Variants in JPH3 observed in about 807,000 individuals in gnomAD.
The protein encoded by JPH3 is junctophilin 3.
Under a neutral mutation model 59.6 loss-of-function variants are expected in JPH3, and 11 were observed. That is an observed-to-expected ratio of 0.18 (90% CI 0.12 to 0.31). JPH3 has a LOEUF of 0.31. Among genes scored for constraint, JPH3 ranks in the 10% least tolerant of loss-of-function variants. The probability of loss-of-function intolerance (pLI) is 1.00; values close to 1 mark genes in which losing one functional copy is unlikely to be tolerated. For missense variants in JPH3, 1,202 were observed against 1,105.7 expected (o/e 1.09, Z -1.24); for synonymous variants, 673 against 483.6 (o/e 1.39, Z -5.14).
chr16:87,631,077 T>G (rs1194161084), intron 1 of JPH3, among the ~76,000 whole-genome samples: 1 of 152,216 alleles, frequency 6.6e-6, no homozygotes, highest in Non-Finnish European at 1.5e-5. Flanking sequence ...AACTGCTCAG[T>G]GAAACACCTC....
At chr16:87,616,810 T>A (rs2030989224) in intron 1 of JPH3, among the ~76,000 whole-genome samples, 1 of 152,250 alleles carries the variant, frequency 6.6e-6, no homozygotes, top group Non-Finnish European at 1.5e-5. Context: ...TGTTCTCCAT[T>A]CCTTCAGTTT....
intron 1 of JPH3, among the ~76,000 whole-genome samples, chr16:87,631,561 A>T (rs75509837): frequency 7.0e-4 from 107 of 152,168 alleles, no homozygotes; most frequent in Non-Finnish European, 1.4e-3. Flanking sequence ...ATGCCACTGT[A>T]TCTTGGTTGG....
At chr16:87,673,414 A>C (rs2033067802) in intron 2 of JPH3, among the ~76,000 whole-genome samples, 1 of 152,174 alleles carries the variant, frequency 6.6e-6, no homozygotes, top group Non-Finnish European at 1.5e-5. Flanking sequence ...CCTGGAGAGA[A>C]AATTGTGAAT....
intron 1 of JPH3, among the ~76,000 whole-genome samples, chr16:87,608,347 C>A (rs1597232068): frequency 6.6e-6 from 1 of 152,196 alleles, no homozygotes; most frequent in African/African-American, 2.4e-5. Context: ...ATGTAACGCC[C>A]TTTGTGTCCT....
In JPH3 at chr16:87,603,427, G is replaced by A; in HGVS notation, c.281G>A (p.Arg94His). Reference sequence around the variant, plus strand: ...GAGTGGACGCACGGATTCAAGGGGCGCTACGGGGTGCGGGAGTGCGCGGGC... The same window carrying A: ...GAGTGGACGCACGGATTCAAGGGGCACTACGGGGTGCGGGAGTGCGCGGGC... Reference protein sequence around the residue: ...KGEWTHGFKGRYGVRECAGNG... With the variant: ...KGEWTHGFKGHYGVRECAGNG... Residue 94 changes from arginine to histidine, a missense_variant, in exon 1 of 5, where the codon CGC becomes CAC. Arg to His is a conservative substitution (Grantham distance 29). Coordinates refer to ENST00000284262, the MANE Select transcript of JPH3 (RefSeq NM_020655.4). 3.8e-6 allele frequency: 6 copies of A among 1,577,672 alleles called. No individual in the cohort carries two copies. Among genetic ancestry groups the A allele is most frequent in the Non-Finnish European group, 5.2e-6 (6 of 1,162,354 alleles).
chr16:87,688,124 A>C (rs2033462832), intron 3 of JPH3, among the ~76,000 whole-genome samples: 1 of 152,110 alleles, frequency 6.6e-6, no homozygotes, highest in Non-Finnish European at 1.5e-5. Flanking sequence ...CTCGGGGGAC[A>C]CCCAACCAGC....
intron 2 of JPH3, among the ~76,000 whole-genome samples, chr16:87,659,429 A>C (rs986201960): frequency 6.6e-6 from 1 of 150,650 alleles, no homozygotes; most frequent in African/African-American, 2.4e-5. Flanking sequence ...CACAACATAA[A>C]ATGTATGATT....
intron 2 of JPH3, among the ~76,000 whole-genome samples, chr16:87,672,401 C>A (rs1038003493): frequency 1.3e-5 from 2 of 152,202 alleles, no homozygotes; most frequent in African/African-American, 4.8e-5. Context: ...CCCAGCCGCG[C>A]CCTTGGCAGG....
At chr16:87,635,397 T>C (rs1244508741) in intron 1 of JPH3, among the ~76,000 whole-genome samples, 1 of 152,096 alleles carries the variant, frequency 6.6e-6, no homozygotes, top group Non-Finnish European at 1.5e-5. Flanking sequence ...GGGTGTGAGA[T>C]GTGCAGGCCC....
At chr16:87,673,033 C>G (rs994968386) in intron 2 of JPH3, among the ~76,000 whole-genome samples, 1 of 151,972 alleles carries the variant, frequency 6.6e-6, no homozygotes, top group Non-Finnish European at 1.5e-5. Context: ...GTAATCCCGG[C>G]TACTTGGGAG....
chr16:87,694,198 G>C (rs1479546393), intron 4 of JPH3: 1 of 152,506 alleles, frequency 6.6e-6, no homozygotes, highest in African/African-American at 2.4e-5. Context: ...CAGGGCCTCA[G>C]CCACAGGGTG....
intron 2 of JPH3, among the ~76,000 whole-genome samples, chr16:87,646,213 G>C (rs1043579101): frequency 1.3e-5 from 2 of 152,228 alleles, no homozygotes; most frequent in African/African-American, 2.4e-5. Flanking sequence ...GCTAATTAAA[G>C]TTCAGCCCAT....
intron 2 of JPH3, among the ~76,000 whole-genome samples, chr16:87,652,717 C>T (rs901445096): frequency 6.6e-6 from 1 of 152,230 alleles, no homozygotes; most frequent in Non-Finnish European, 1.5e-5. Flanking sequence ...GGTGCCTACT[C>T]TCGTGAGTTG....
chr16:87,680,052 C>A (rs912970036), intron 2 of JPH3, among the ~76,000 whole-genome samples: 1 of 152,240 alleles, frequency 6.6e-6, no homozygotes, highest in Non-Finnish European at 1.5e-5. Context: ...GCCACACACC[C>A]AGCCCAGGGT....
chr16:87,675,749 T>C (rs1597282898), intron 2 of JPH3, among the ~76,000 whole-genome samples: 2 of 152,096 alleles, frequency 1.3e-5, no homozygotes, highest in Non-Finnish European at 2.9e-5. Flanking sequence ...AGGAAGCAGG[T>C]GTGGGGTGCC....
chr16:87,668,424 G>A (rs2032930638), intron 2 of JPH3, among the ~76,000 whole-genome samples: 2 of 152,152 alleles, frequency 1.3e-5, no homozygotes, highest in Admixed American at 1.3e-4. Context: ...CCTACTCACG[G>A]GAACTTGGGT....
chr16:87,651,663 C>G (rs995271583), intron 2 of JPH3, among the ~76,000 whole-genome samples: 2 of 152,258 alleles, frequency 1.3e-5, no homozygotes, highest in East Asian at 3.8e-4. Context: ...GCCGATGGGA[C>G]TGCATTGCTG....
At chr16:87,644,200 C>T in intron 1 of JPH3, 58 bp from the exon 2 acceptor site, 1 of 1,524,632 alleles carries the variant, frequency 6.6e-7, no homozygotes, top group Non-Finnish European at 8.9e-7. Context: ...TGTCCGTGGC[C>T]AGGCTGTGCC....
Position 87,608,097 on chromosome 16 carries a change from G to A in JPH3, c.382+4569G>A, listed in dbSNP as rs138139998. ...GGCCGGGGAGTGAGGACCGGCACCC[G>A]CCTACAGCAGCGATCTGGAGTAGTG... On this transcript the variant is annotated intron_variant, in intron 1 of 4. Transcript: ENST00000284262. Among the ~76,000 whole-genome samples, 577 of 152,332 alleles carry A rather than the reference G, an allele frequency of 3.8e-3. 2 individuals are homozygous for A. The highest frequency in any genetic ancestry group is 6.6e-3 in the Non-Finnish European group (447 of 68,032).
Sources: gnomAD v4.1 joint callset for allele counts (sites outside exome capture counted in the v4.1 genomes callset) on GRCh38, gnomAD v4.1.1 for gene constraint, MANE v1.5 for transcripts, NCBI Gene and HGNC (gene_info 2026-07-23, HGNC 2026-07-21) for gene names.